The following CDH12 variants were observed in gnomAD, a reference collection of about 807,000 sequenced individuals.
CDH12 encodes the protein cadherin 12, also known as cadherin-12.
In CDH12, 41 loss-of-function variants were observed where a neutral mutation model predicts 74.1. The ratio of observed to expected loss-of-function variants is 0.55; its 90% confidence interval spans 0.43 to 0.72. CDH12 has a LOEUF of 0.72. Among genes scored for constraint, CDH12 ranks in the 30% least tolerant of loss-of-function variants. The pLI, the probability that CDH12 is intolerant of heterozygous loss-of-function variation, is 0.00. For missense variants in CDH12, 945 were observed against 977.2 expected (o/e 0.97, Z 0.44); for synonymous variants, 399 against 355.0 (o/e 1.12, Z -1.39).
intron 5 of CDH12, among the ~76,000 whole-genome samples, chr5:22,048,105 A>C (rs1424202573): frequency 1.3e-5 from 2 of 152,152 alleles, no homozygotes; most frequent in African/African-American, 2.4e-5. Flanking sequence ...GCCTGGACAC[A>C]TATTGGTCAT....
In CDH12 at chr5:22,683,127, C is replaced by A. The variant is rs914707188; in HGVS notation, c.-523+169931G>T. 5.3e-5 allele frequency among the ~76,000 whole-genome samples: 8 copies of A among 152,130 alleles called. 1 individual carries two copies. The highest frequency in any genetic ancestry group is 1.2e-4 in the Non-Finnish European group (8 of 68,006). ...AGATTGCCATTTCTTAAACAGACAG[C>A]ACTTATTGGAAATTAAACCTCTACT... On this transcript the variant is annotated intron_variant, in intron 1 of 14. Transcript: ENST00000382254.
At chr5:22,607,239 G>A (rs951186762) in intron 1 of CDH12, among the ~76,000 whole-genome samples, 1 of 152,172 alleles carries the variant, frequency 6.6e-6, no homozygotes, top group African/African-American at 2.4e-5. Context: ...GGAGCTGAAT[G>A]TTAATCACCA....
At chr5:22,613,865 T>A (rs868585974) in intron 1 of CDH12, among the ~76,000 whole-genome samples, 6 of 152,200 alleles carry the variant, frequency 3.9e-5, no homozygotes, top group Middle Eastern at 3.4e-3. Context: ...AATGCTAGAT[T>A]GTAGCTAAAA....
intron 3 of CDH12, among the ~76,000 whole-genome samples, chr5:22,399,589 T>C (rs1210311963): frequency 1.3e-5 from 2 of 152,142 alleles, no homozygotes; most frequent in African/African-American, 4.8e-5. Flanking sequence ...CCAGAGGCCA[T>C]AGAGAACAAT....
At chr5:22,539,939 G>C (rs1738025557) in intron 1 of CDH12, among the ~76,000 whole-genome samples, 1 of 152,136 alleles carries the variant, frequency 6.6e-6, no homozygotes, top group East Asian at 1.9e-4. Flanking sequence ...ACAGCTATCA[G>C]ACTGTTTTTA....
chr5:22,465,410 C>T lies in CDH12; in HGVS notation c.-428+39860G>A, dbSNP rs570092671. Reference sequence around the variant, plus strand: ...CTGTAATCCCAGTACTTTGTGAGGGCGAATAGGGGAGGATCCCTTGAGGGC... The same window carrying T: ...CTGTAATCCCAGTACTTTGTGAGGGTGAATAGGGGAGGATCCCTTGAGGGC... On this transcript the variant is annotated intron_variant, in intron 2 of 14. Transcript: ENST00000382254. 3.9e-5 allele frequency among the ~76,000 whole-genome samples: 6 copies of T among 152,164 alleles called. No homozygotes were observed. In the South Asian group the frequency reaches 8.3e-4, roughly 21 times the overall value.
chr5:22,696,349 C>T lies in CDH12; in HGVS notation c.-523+156709G>A, dbSNP rs1328980863. 4.8e-5 allele frequency among the ~76,000 whole-genome samples: 6 copies of T among 125,140 alleles called. No individual in the cohort carries two copies. The Admixed American group carries it at 4.9e-4, about 10-fold the overall frequency. 82.1% of individuals were successfully genotyped at this position (125,140 alleles called of 152,430 possible). ...TGGCGCCACTGCACTCCAGCCTGGG[C>T]GACAGAGTGAGACTCCGTCTCAAAA... On this transcript the variant is annotated intron_variant, in intron 1 of 14. Coordinates refer to ENST00000382254, the MANE Select transcript of CDH12 (RefSeq NM_004061.5).
chr5:21,852,271 G>GA (rs951789482), intron 7 of CDH12, among the ~76,000 whole-genome samples: 42 of 151,354 alleles, frequency 2.8e-4, no homozygotes, highest in African/African-American at 9.9e-4. Context: ...TGTCTCCAGT[G>GA]AAAATCAATG....
At chr5:22,256,250 A>G (rs1371687474) in intron 3 of CDH12, among the ~76,000 whole-genome samples, 2 of 152,146 alleles carry the variant, frequency 1.3e-5, no homozygotes, top group African/African-American at 2.4e-5. Context: ...CATGTGCCAC[A>G]TAACAGTGTT....
intron 1 of CDH12, among the ~76,000 whole-genome samples, chr5:22,746,165 T>A (rs181768932): frequency 6.6e-6 from 1 of 152,172 alleles, no homozygotes; most frequent in African/African-American, 2.4e-5. Flanking sequence ...AATTGGTATA[T>A]ATAGAAGTTG....
intron 3 of CDH12, among the ~76,000 whole-genome samples, chr5:22,364,516 G>A (rs947093566): frequency 2.6e-5 from 4 of 152,182 alleles, no homozygotes; most frequent in African/African-American, 7.2e-5. Flanking sequence ...ATCTGTGGCC[G>A]GCAACAGGGA....
intron 6 of CDH12, among the ~76,000 whole-genome samples, chr5:21,914,996 G>A (rs1409795575): frequency 6.6e-6 from 1 of 152,170 alleles, no homozygotes; most frequent in Non-Finnish European, 1.5e-5. Context: ...GACAGATTGT[G>A]CCTTGCTGGG....
chr5:22,643,297 G>T (rs1489158829), intron 1 of CDH12, among the ~76,000 whole-genome samples: 1 of 152,026 alleles, frequency 6.6e-6, no homozygotes, highest in Non-Finnish European at 1.5e-5. Flanking sequence ...ACTTACTATT[G>T]TGATTTACTT....
rs73742104 is a variant in CDH12, at chr5:22,450,239, A to T, written c.-427-44888T>A. Among the ~76,000 whole-genome samples, 316 of 152,130 alleles carry T rather than the reference A, an allele frequency of 2.1e-3. 1 individual carries two copies. The highest frequency in any genetic ancestry group is 7.3e-3 in the African/African-American group (303 of 41,558). On this transcript the variant is annotated intron_variant, in intron 2 of 14. Transcript: ENST00000382254. Reference sequence around the variant, plus strand: ...TCCAAGCTGAGTGACCTTCAGAGTTAGTGGCTACATGATATGTAGCATGTT... The same window carrying T: ...TCCAAGCTGAGTGACCTTCAGAGTTTGTGGCTACATGATATGTAGCATGTT...
intron 3 of CDH12, among the ~76,000 whole-genome samples, chr5:22,237,638 C>A (rs776485368): frequency 6.6e-6 from 1 of 151,840 alleles, no homozygotes; most frequent in African/African-American, 2.4e-5. Context: ...TATAAGTTAT[C>A]CAGTTTATGG....
At chr5:22,182,140 A>T (rs1749682638) in intron 4 of CDH12, among the ~76,000 whole-genome samples, 1 of 151,798 alleles carries the variant, frequency 6.6e-6, no homozygotes, top group African/African-American at 2.4e-5. Flanking sequence ...ACATTCTCTT[A>T]TTTCTTCTCT....
At chr5:22,849,830 A>G (rs1235804932) in intron 1 of CDH12, among the ~76,000 whole-genome samples, 1 of 152,074 alleles carries the variant, frequency 6.6e-6, no homozygotes, top group Non-Finnish European at 1.5e-5. Flanking sequence ...AATGGATTAA[A>G]TATTCATGGA....
chr5:22,760,056 G>A (rs942379208), intron 1 of CDH12, among the ~76,000 whole-genome samples: 3 of 152,120 alleles, frequency 2.0e-5, no homozygotes, highest in Non-Finnish European at 4.4e-5. Flanking sequence ...AGCAATATCC[G>A]GATGTGTTTG....
intron 6 of CDH12, among the ~76,000 whole-genome samples, chr5:21,857,447 AG>A (rs1386280850): frequency 6.6e-6 from 1 of 151,850 alleles, no homozygotes; most frequent in Non-Finnish European, 1.5e-5. Flanking sequence ...GAGAGTATCA[AG>A]TCACTTCAAG....
Sources: gnomAD v4.1 joint callset for allele counts (sites outside exome capture counted in the v4.1 genomes callset) on GRCh38, gnomAD v4.1.1 for gene constraint, MANE v1.5 for transcripts, NCBI Gene and HGNC (gene_info 2026-07-23, HGNC 2026-07-21) for gene names.